FHOD3: variants seen among roughly 807,000 people sequenced by gnomAD.
FHOD3 encodes the protein FH1/FH2 domain-containing protein 3.
Under a neutral mutation model 173.0 loss-of-function variants are expected in FHOD3, and 90 were observed. The ratio of observed to expected loss-of-function variants is 0.52; its 90% CI spans 0.44 to 0.62. The LOEUF is 0.62. FHOD3 is among the 20% of genes least tolerant of loss of function. FHOD3 has a pLI of 0.00. For missense variants in FHOD3, 1,945 were observed against 2,034.7 expected (o/e 0.96, Z 0.85); for synonymous variants, 828 against 823.0 (o/e 1.01, Z -0.10).
At chr18:36,580,780 G>C (rs1458113563) in intron 6 of FHOD3, among the ~76,000 whole-genome samples, 1 of 152,172 alleles carries the variant, frequency 6.6e-6, no homozygotes. Context: ...CATACAGTTT[G>C]GTCAATACAG....
At position 36,521,820 on chromosome 18, in the gene FHOD3, T is replaced by G. The variant is rs148119245; in HGVS notation, c.511+9277T>G. ...GGCCTTCTGTGTGGGTAGAGCCCAC[T>G]TTGGTCCTGCCCTCGTGTGTCGGTG... On this transcript the variant is annotated intron_variant, in intron 5 of 28. Transcript: ENST00000590592. Among the ~76,000 whole-genome samples, 472 of 152,314 alleles carry G rather than the reference T, an allele frequency of 3.1e-3. 3 individuals carry two copies. Among genetic ancestry groups the G allele is most frequent in the Middle Eastern group, 0.01 (3 of 294 alleles).
At chr18:36,616,462 C>T (rs1170041215) in intron 9 of FHOD3, among the ~76,000 whole-genome samples, 1 of 152,228 alleles carries the variant, frequency 6.6e-6, no homozygotes, top group African/African-American at 2.4e-5. Flanking sequence ...CTACCTGCCT[C>T]TTAAGCCACC....
At chr18:36,563,229 A>G (rs1458413849) in intron 5 of FHOD3, among the ~76,000 whole-genome samples, 1 of 152,194 alleles carries the variant, frequency 6.6e-6, no homozygotes, top group African/African-American at 2.4e-5. Context: ...CCAAAAACCT[A>G]TTTCTGATTT....
chr18:36,727,476 C>T (rs777842119), intron 19 of FHOD3, among the ~76,000 whole-genome samples: 9 of 152,144 alleles, frequency 5.9e-5, no homozygotes, highest in Admixed American at 6.5e-5. Context: ...ACTTAAAGCA[C>T]CTTTTTGCTA....
intron 19 of FHOD3, among the ~76,000 whole-genome samples, chr18:36,720,991 A>T (rs962012427): frequency 3.0e-4 from 46 of 152,062 alleles, no homozygotes. Context: ...GAAGGCCCAA[A>T]ATTAATGCTT....
At chr18:36,337,332 A>C (rs1316044706) in intron 1 of FHOD3, among the ~76,000 whole-genome samples, 1 of 152,206 alleles carries the variant, frequency 6.6e-6, no homozygotes. Context: ...CAAACACACC[A>C]GACCTGGTCA....
At chr18:36,450,397 G>A in intron 3 of FHOD3, among the ~76,000 whole-genome samples, 1 of 152,070 alleles carries the variant, frequency 6.6e-6, no homozygotes, top group South Asian at 2.1e-4. Context: ...AAGGGAAGTG[G>A]TTAAGATAGG....
intron 6 of FHOD3, among the ~76,000 whole-genome samples, chr18:36,585,357 T>C (rs2058991483): frequency 6.6e-6 from 1 of 152,256 alleles, no homozygotes; most frequent in Non-Finnish European, 1.5e-5. Flanking sequence ...GCTGTTGCTC[T>C]TCTACCGGCC....
Position 36,755,119 on chromosome 18 carries a change from A to G in FHOD3, c.4233A>G (p.Arg1411=). The change falls in exon 25 of 29, where the codon AGA becomes AGG. Residue 1411 remains arginine (R), a splice_region_variant and synonymous_variant. Coordinates refer to ENST00000590592, the MANE Select transcript of FHOD3 (RefSeq NM_001281740.3). ...TGCTATTACTGTTTTTTCCTTGCAG[A>G]TTCCACTCCTTTTTACTCTTTATGG... is the stretch of plus-strand genomic sequence containing the variant. ...LKIVHRRIIN[R]FHSFLLFMGH... 6.4e-7 allele frequency: 1 copy of G among 1,552,666 alleles called. No homozygotes were observed.
At chr18:36,332,339 G>A (rs1396640315) in intron 1 of FHOD3, among the ~76,000 whole-genome samples, 1 of 152,300 alleles carries the variant, frequency 6.6e-6, no homozygotes, top group East Asian at 1.9e-4. Flanking sequence ...ATAGGGGCTG[G>A]CTCTCCTTGC....
intron 5 of FHOD3, chr18:36,544,602 A>C (rs1250845465): frequency 6.6e-6 from 1 of 152,276 alleles, no homozygotes; most frequent in Admixed American, 6.5e-5. Context: ...TGAGGTGGAG[A>C]GGTCGCCACA....
intron 19 of FHOD3, among the ~76,000 whole-genome samples, chr18:36,718,960 AC>A (rs987640897): frequency 6.6e-6 from 1 of 152,226 alleles, no homozygotes; most frequent in Non-Finnish European, 1.5e-5. Context: ...CTTTCAAAGA[AC>A]CAGATAGCCC....
intron 5 of FHOD3, among the ~76,000 whole-genome samples, chr18:36,547,945 C>T (rs925809140): frequency 6.6e-6 from 1 of 152,210 alleles, no homozygotes; most frequent in Non-Finnish European, 1.5e-5. Flanking sequence ...GTAATCCTAA[C>T]ACTTTGGGAG....
Position 36,717,813 on chromosome 18 carries a change from C to A in FHOD3, c.2534-19C>A. The A allele has an allele frequency of 6.5e-7, 1 of 1,529,326 alleles. No homozygotes were observed. 94.7% of individuals were successfully genotyped at this position (1,529,326 alleles called of 1,614,324 possible). A position where few individuals can be genotyped will look rare whatever the true frequency, so the allele number is the denominator to read the frequency against. ...GCCCCCTTGCCCCTTTCTCATTTTTCTCTCCCATGTACTTTCAGGTTTGTG... is the reference window on the plus strand; with the variant it reads ...GCCCCCTTGCCCCTTTCTCATTTTTATCTCCCATGTACTTTCAGGTTTGTG... On this transcript the variant is annotated intron_variant, in intron 18 of 28. Coordinates refer to ENST00000590592, the MANE Select transcript of FHOD3 (RefSeq NM_001281740.3).
At chr18:36,442,942 C>T (rs2051238699) in intron 3 of FHOD3, among the ~76,000 whole-genome samples, 1 of 152,138 alleles carries the variant, frequency 6.6e-6, no homozygotes, top group South Asian at 2.1e-4. Context: ...ATGAAGAATA[C>T]CTGCTAATTA....
intron 5 of FHOD3, among the ~76,000 whole-genome samples, chr18:36,521,482 A>C (rs1288451122): frequency 2.0e-5 from 3 of 152,114 alleles, no homozygotes; most frequent in African/African-American, 7.2e-5. Context: ...CAGCCACCCT[A>C]GGGTCCTCCT....
At chr18:36,450,821 A>G (rs1023099057) in intron 3 of FHOD3, among the ~76,000 whole-genome samples, 1 of 152,134 alleles carries the variant, frequency 6.6e-6, no homozygotes, top group African/African-American at 2.4e-5. Flanking sequence ...ACAAAAAACC[A>G]AAAACAAAAA....
intron 16 of FHOD3, among the ~76,000 whole-genome samples, chr18:36,688,704 C>A (rs1568610429): frequency 1.3e-5 from 2 of 152,188 alleles, no homozygotes; most frequent in East Asian, 3.8e-4. Flanking sequence ...GAGCTTTCAA[C>A]AACTTGACTG....
chr18:36,337,171 CAAA>C (rs772519016), intron 1 of FHOD3, among the ~76,000 whole-genome samples: 2 of 63,702 alleles, frequency 3.1e-5, no homozygotes, highest in African/African-American at 6.0e-5. Context: ...GACTCTGTCT[CAAA>C]AAAAAAAAAA....
Sources: gnomAD v4.1 joint callset for allele counts (sites outside exome capture counted in the v4.1 genomes callset) on GRCh38, gnomAD v4.1.1 for gene constraint, MANE v1.5 for transcripts, NCBI Gene and HGNC (gene_info 2026-07-23, HGNC 2026-07-21) for gene names.